Variants in PHACTR1 observed in about 807,000 individuals in gnomAD.
PHACTR1 encodes RPEL repeat containing 1.
Under a neutral mutation model 69.2 loss-of-function variants are expected in PHACTR1, and 16 were observed. The observed-to-expected ratio is 0.23, with a 90% CI of 0.16 to 0.35. The LOEUF (loss-of-function observed/expected upper bound fraction) is 0.35. PHACTR1 is among the 10% of genes least tolerant of loss of function. PHACTR1 has a pLI of 1.00. For synonymous variants in PHACTR1, 312 were observed against 284.5 expected, an observed-to-expected ratio of 1.10 and a Z score of -0.97; for missense variants, 510 against 734.7, an observed-to-expected ratio of 0.69 and a Z score of 3.54.
At chr6:13,002,871 T>G (rs1798265041) in intron 4 of PHACTR1, among the ~76,000 whole-genome samples, 1 of 152,216 alleles carries the variant, frequency 6.6e-6, no homozygotes, top group African/African-American at 2.4e-5. Context: ...CCCTGAAGTA[T>G]GTCTGAGAAC....
intron 10 of PHACTR1, among the ~76,000 whole-genome samples, chr6:13,237,384 A>C (rs73355368): frequency 0.13 from 20,245 of 152,202 alleles, 1,934 homozygotes; most frequent in Admixed American, 0.24. Context: ...TTTTAAAAAA[A>C]AAATGAGATA....
At position 13,283,526 on chromosome 6, in the gene PHACTR1, A is replaced by G; in HGVS notation, c.1614A>G (p.Ala538=). ...VADAQDYDRR[A]DKPWTRLTAA... ...ACGCTCAGGACTATGACCGCAGGGCAGATAAGCCGTGGACCCGCCTCACCG... is the reference window on the plus strand; with the variant it reads ...ACGCTCAGGACTATGACCGCAGGGCGGATAAGCCGTGGACCCGCCTCACCG... Residue 538 remains alanine, a synonymous_variant, in exon 13 of 15, where the codon GCA becomes GCG. Transcript: ENST00000332995. The surrounding 1 kb of genome is among the most constrained non-coding windows in gnomAD (Gnocchi z 4.7). The G allele has an allele frequency of 1.2e-6, 2 of 1,613,926 alleles. No homozygotes were observed. Among genetic ancestry groups the G allele is most frequent in the Non-Finnish European group, 1.7e-6 (2 of 1,179,882 alleles).
chr6:12,931,316 G>A (rs1320262343), intron 4 of PHACTR1, among the ~76,000 whole-genome samples: 2 of 152,088 alleles, frequency 1.3e-5, no homozygotes, highest in Admixed American at 1.3e-4. Flanking sequence ...CATTATTTTG[G>A]TTCATCTCCT....
At chr6:13,118,392 G>A (rs1039852750) in intron 5 of PHACTR1, among the ~76,000 whole-genome samples, 4 of 151,442 alleles carry the variant, frequency 2.6e-5, no homozygotes, top group Admixed American at 6.6e-5. Context: ...TTTTACCCAA[G>A]TCCTGCTGTC....
At chr6:13,257,351 A>G (rs1485626988) in intron 10 of PHACTR1, among the ~76,000 whole-genome samples, 1 of 152,208 alleles carries the variant, frequency 6.6e-6, no homozygotes, top group Non-Finnish European at 1.5e-5. Flanking sequence ...ACTGGGTATT[A>G]CAATTGAACA....
chr6:12,777,625 CTTTTTTTTTTTTTT>C (rs869096915), intron 4 of PHACTR1, among the ~76,000 whole-genome samples: 1 of 99,016 alleles, frequency 1.0e-5, no homozygotes, highest in Non-Finnish European at 1.9e-5. Flanking sequence ...CTTTCTTCTT[CTTTTTTTTTTTTTT>C]TTTTTTTTTT....
At chr6:12,993,025 G>A (rs562950322) in intron 4 of PHACTR1, among the ~76,000 whole-genome samples, 2 of 152,318 alleles carry the variant, frequency 1.3e-5, no homozygotes, top group East Asian at 3.9e-4. Flanking sequence ...GGAAGATAGA[G>A]CCTCCATGTT....
At chr6:12,879,624 A>G (rs1332843) in intron 4 of PHACTR1, among the ~76,000 whole-genome samples, 148,490 of 152,318 alleles carry the variant, frequency 0.97, 72,509 homozygotes, top group Middle Eastern at 1. Flanking sequence ...ACTAACTCGT[A>G]ATGATATCAA....
intron 4 of PHACTR1, among the ~76,000 whole-genome samples, chr6:12,985,573 G>C (rs1796079937): frequency 6.9e-6 from 1 of 145,760 alleles, no homozygotes; most frequent in South Asian, 2.2e-4. Flanking sequence ...CACAGAGAGA[G>C]AGAGTCATAC....
intron 5 of PHACTR1, among the ~76,000 whole-genome samples, chr6:13,124,657 G>A (rs1473004178): frequency 6.6e-6 from 1 of 152,164 alleles, no homozygotes. Flanking sequence ...CAGTCTAGGA[G>A]GCTTAAACAA....
chr6:13,137,853 G>T lies in PHACTR1; in HGVS notation c.416-22351G>T, dbSNP rs554015670. Among the ~76,000 whole-genome samples, 4 of 152,348 alleles carry T rather than the reference G, an allele frequency of 2.6e-5. No homozygotes were observed. In the South Asian group the frequency reaches 8.3e-4, roughly 32 times the overall value. On this transcript the variant is annotated intron_variant, in intron 5 of 14. Transcript: ENST00000332995. Reference sequence around the variant, plus strand: ...AAGTCGGCTTGGGCCTCCTGGAATAGGAATGGTGCTATATCTCAAGACATG... The same window carrying T: ...AAGTCGGCTTGGGCCTCCTGGAATATGAATGGTGCTATATCTCAAGACATG...
At chr6:13,258,552 A>G (rs1170685655) in intron 10 of PHACTR1, among the ~76,000 whole-genome samples, 1 of 152,166 alleles carries the variant, frequency 6.6e-6, no homozygotes, top group Non-Finnish European at 1.5e-5. Flanking sequence ...AGGACCAGCA[A>G]TGGGCTTGAA....
At chr6:12,824,701 T>C (rs116445098) in intron 4 of PHACTR1, among the ~76,000 whole-genome samples, 9 of 152,356 alleles carry the variant, frequency 5.9e-5, no homozygotes, top group South Asian at 4.1e-4. Flanking sequence ...CTTCATTTCT[T>C]CTCAACCATG....
At chr6:13,186,853 A>G (rs1762883899) in intron 7 of PHACTR1, among the ~76,000 whole-genome samples, 1 of 152,168 alleles carries the variant, frequency 6.6e-6, no homozygotes, top group Non-Finnish European at 1.5e-5. Context: ...TTATTATTAC[A>G]TTGTAATACA....
At chr6:13,142,277 A>G (rs1161865379) in intron 5 of PHACTR1, among the ~76,000 whole-genome samples, 2 of 152,026 alleles carry the variant, frequency 1.3e-5, no homozygotes, top group Non-Finnish European at 1.5e-5. Context: ...TAATTTTTGT[A>G]TTTTTTGGTA....
At chr6:12,944,787 A>ATTTTAT (rs1554172586) in intron 4 of PHACTR1, among the ~76,000 whole-genome samples, 6 of 116,396 alleles carry the variant, frequency 5.2e-5, no homozygotes, top group East Asian at 4.2e-4. Context: ...ATTTTTATTT[A>ATTTTAT]TTTTTTTTTT....
chr6:13,163,251 GAAAT>G (rs1176250605), intron 6 of PHACTR1, among the ~76,000 whole-genome samples: 1 of 152,154 alleles, frequency 6.6e-6, no homozygotes, highest in Non-Finnish European at 1.5e-5. Flanking sequence ...CTCAAAAAAG[GAAAT>G]AAATAAGTAA....
chr6:13,262,113 G>A (rs1335612410), intron 10 of PHACTR1, among the ~76,000 whole-genome samples: 1 of 152,192 alleles, frequency 6.6e-6, no homozygotes, highest in Non-Finnish European at 1.5e-5. Flanking sequence ...GAGTGGGATA[G>A]GCTGGCAGCA....
chr6:13,043,783 C>T (rs1408674775), intron 4 of PHACTR1, among the ~76,000 whole-genome samples: 1 of 152,146 alleles, frequency 6.6e-6, no homozygotes, highest in African/African-American at 2.4e-5. Flanking sequence ...GAATATCAGA[C>T]CCTAGGGTCT....
Sources: gnomAD v4.1 joint callset for allele counts (sites outside exome capture counted in the v4.1 genomes callset) on GRCh38, gnomAD v4.1.1 for gene constraint, Gnocchi (gnomAD v3.1) non-coding constraint, MANE v1.5 for transcripts, NCBI Gene and HGNC (gene_info 2026-07-23, HGNC 2026-07-21) for gene names.